The following ELMO1 variants were observed in gnomAD, a reference collection of about 807,000 sequenced individuals.
ELMO1 encodes engulfment and cell motility 1.
A neutral mutation model predicts 98.9 loss-of-function variants in ELMO1; 26 were observed. The observed-to-expected ratio is 0.26, with a 90% CI of 0.19 to 0.36. The LOEUF (loss-of-function observed/expected upper bound fraction) is 0.36. Ranked by LOEUF, ELMO1 falls within the 10% of genes least tolerant of loss-of-function variation. The pLI is 1.00. For synonymous variants in ELMO1, 346 were observed against 346.0 expected (o/e 1.00, Z 0.00); for missense variants, 627 against 935.2 (o/e 0.67, Z 4.30).
chr7:37,242,669 C>T (rs1012686975), intron 7 of ELMO1, among the ~76,000 whole-genome samples: 1 of 152,220 alleles, frequency 6.6e-6, no homozygotes, highest in Non-Finnish European at 1.5e-5. Flanking sequence ...CTTTAAGTTG[C>T]TGTTTTTACC....
chr7:37,174,539 T>C (rs1790392095), intron 13 of ELMO1, among the ~76,000 whole-genome samples: 1 of 152,174 alleles, frequency 6.6e-6, no homozygotes, highest in Non-Finnish European at 1.5e-5. Flanking sequence ...GCCATCTGTA[T>C]CGAGCGGGCT....
intron 4 of ELMO1, among the ~76,000 whole-genome samples, chr7:37,307,678 T>G (rs1798681727): frequency 6.6e-6 from 1 of 152,254 alleles, no homozygotes; most frequent in Admixed American, 6.5e-5. Context: ...GTATCATTAC[T>G]ACCCTCAGCC....
At chr7:36,897,858 T>C (rs1007800979) in intron 16 of ELMO1, among the ~76,000 whole-genome samples, 9 of 152,300 alleles carry the variant, frequency 5.9e-5, no homozygotes, top group African/African-American at 2.2e-4. Context: ...GAAGAAAGTA[T>C]AGAACTTTTC....
At chr7:36,900,404 G>A (rs1372421654) in intron 16 of ELMO1, among the ~76,000 whole-genome samples, 1 of 152,198 alleles carries the variant, frequency 6.6e-6, no homozygotes, top group African/African-American at 2.4e-5. Context: ...GTTGGTATGA[G>A]CAATGTCAAA....
intron 15 of ELMO1, among the ~76,000 whole-genome samples, chr7:37,025,452 A>T (rs888111049): frequency 1.3e-5 from 2 of 152,202 alleles, no homozygotes; most frequent in Non-Finnish European, 2.9e-5. Flanking sequence ...TTGTGAGGGT[A>T]TTCCCAGTTG....
At chr7:37,413,855 T>C (rs1804099062) in intron 1 of ELMO1, among the ~76,000 whole-genome samples, 1 of 152,018 alleles carries the variant, frequency 6.6e-6, no homozygotes, top group South Asian at 2.1e-4. Context: ...TTTTTGTATT[T>C]TTAGTAGAGA....
chr7:37,070,326 A>G (rs1244279661), intron 15 of ELMO1, among the ~76,000 whole-genome samples: 1 of 152,218 alleles, frequency 6.6e-6, no homozygotes, highest in African/African-American at 2.4e-5. Context: ...AACAGACGAG[A>G]AGAGGATATG....
intron 16 of ELMO1, among the ~76,000 whole-genome samples, chr7:36,995,928 T>C (rs1445098666): frequency 1.3e-5 from 2 of 152,126 alleles, no homozygotes; most frequent in Non-Finnish European, 2.9e-5. Context: ...CTCCTCCCCA[T>C]GCAGAGGGGT....
chr7:37,107,133 C>G (rs1193546638), intron 14 of ELMO1, among the ~76,000 whole-genome samples: 1 of 152,130 alleles, frequency 6.6e-6, no homozygotes, highest in East Asian at 1.9e-4. Context: ...GAGCAACTTG[C>G]TAGATATTAA....
chr7:37,213,133 C>T (rs1793074885), intron 12 of ELMO1, among the ~76,000 whole-genome samples: 1 of 152,138 alleles, frequency 6.6e-6, no homozygotes, highest in Non-Finnish European at 1.5e-5. Context: ...ATGTTTGGAG[C>T]CTAATGGAAG....
At chr7:37,136,262 A>C (rs1444057324) in intron 13 of ELMO1, among the ~76,000 whole-genome samples, 11 of 152,226 alleles carry the variant, frequency 7.2e-5, no homozygotes. Flanking sequence ...GGTGTTCCTA[A>C]GGAAAAAGAG....
chr7:37,192,942 TAC>T (rs1791703994), intron 13 of ELMO1, among the ~76,000 whole-genome samples: 1 of 142,948 alleles, frequency 7.0e-6, no homozygotes, highest in African/African-American at 2.5e-5. Context: ...TATATATAGA[TAC>T]ATATATATTT....
At chr7:37,012,121 C>T (rs942272035) in intron 16 of ELMO1, among the ~76,000 whole-genome samples, 6 of 152,140 alleles carry the variant, frequency 3.9e-5, no homozygotes, top group South Asian at 4.1e-4. Flanking sequence ...AAGGACAGAT[C>T]GTTGGGATGA....
At chr7:37,398,436 GA>G (rs1280268039) in intron 1 of ELMO1, among the ~76,000 whole-genome samples, 3 of 152,220 alleles carry the variant, frequency 2.0e-5, no homozygotes, top group Admixed American at 2.0e-4. Context: ...CTCCATTCAA[GA>G]AAAAAGACAA....
intron 13 of ELMO1, among the ~76,000 whole-genome samples, chr7:37,144,273 C>T (rs542858159): frequency 1.4e-4 from 22 of 152,076 alleles, no homozygotes; most frequent in African/African-American, 4.3e-4. Flanking sequence ...TCTCACTCCA[C>T]GTATCATTTT....
Position 36,866,084 on chromosome 7 carries a change from G to C in ELMO1, c.1905+4309C>G, listed in dbSNP as rs1803013158. ...AAATATACTCCTATCTGAATCAATG[G>C]ATCTTCACTCTGGTGATTTCATGTT... is the stretch of plus-strand genomic sequence containing the variant. On this transcript the variant is annotated intron_variant, in intron 20 of 21. Transcript: ENST00000310758. Among the ~76,000 whole-genome samples, 5 of 152,168 alleles carry C rather than the reference G, an allele frequency of 3.3e-5. No individual in the cohort carries two copies. The South Asian group carries it at 1.0e-3, about 32-fold the overall frequency.
At chr7:37,272,210 A>G (rs1416152328) in intron 4 of ELMO1, among the ~76,000 whole-genome samples, 1 of 152,242 alleles carries the variant, frequency 6.6e-6, no homozygotes, top group Non-Finnish European at 1.5e-5. Context: ...TATTTACTCA[A>G]GGGAAGTGAA....
At chr7:37,113,688 A>G (rs146669902) in intron 14 of ELMO1, among the ~76,000 whole-genome samples, 124 of 152,348 alleles carry the variant, frequency 8.1e-4, no homozygotes, top group Non-Finnish European at 1.2e-3. Flanking sequence ...AACCCGCTGT[A>G]TAGCATGTGA....
chr7:36,982,598 A>C (rs1454519713), intron 16 of ELMO1, among the ~76,000 whole-genome samples: 1 of 152,360 alleles, frequency 6.6e-6, no homozygotes, highest in South Asian at 2.1e-4. Context: ...ATAATACTAG[A>C]AAGTGCATAA....
Sources: allele counts gnomAD v4.1 joint callset (sites outside exome capture counted in the v4.1 genomes callset), GRCh38; gene constraint gnomAD v4.1.1; transcripts MANE v1.5; gene names NCBI Gene and HGNC (gene_info 2026-07-23, HGNC 2026-07-21).